Variants in RELN observed in about 807,000 individuals in gnomAD.
The protein encoded by RELN is reelin.
A neutral mutation model predicts 427.6 loss-of-function variants in RELN; 108 were observed. The observed-to-expected ratio is 0.25, with a 90% CI of 0.22 to 0.30. The LOEUF is 0.30. Ranked by LOEUF, RELN falls within the 10% of genes least tolerant of loss-of-function variation. The pLI is 1.00. For missense variants in RELN, 3,715 were observed against 4,302.8 expected, an observed-to-expected ratio of 0.86 and a Z score of 3.82; for synonymous variants, 1,524 against 1,513.4, an observed-to-expected ratio of 1.01 and a Z score of -0.16.
intron 3 of RELN, among the ~76,000 whole-genome samples, chr7:103,818,239 C>T (rs1456414765): frequency 6.6e-6 from 1 of 152,146 alleles, no homozygotes; most frequent in Non-Finnish European, 1.5e-5. Context: ...TTCCAGGGAG[C>T]TTTGGAAAAG....
rs751817326 is a variant in RELN, at chr7:103,491,981, C to T, written c.9415G>A (p.Val3139Ile). 19 of 1,613,064 alleles carry T rather than the reference C, an allele frequency of 1.2e-5. No individual in the cohort carries two copies. Among genetic ancestry groups the T allele is most frequent in the Middle Eastern group, 1.7e-4 (1 of 6,056 alleles). ...GCATCCTTAGTGTATTCCAGCATTA[C>T]GGAATGAAGGTCACCACAAGAAGTG... Reference protein sequence around the residue: ...EATSCGDLHSVMLEYTKDARS... With the variant: ...EATSCGDLHSIMLEYTKDARS... Residue 3139 changes from valine (V) to isoleucine (I), a missense_variant, in exon 58 of 65, where the codon GTA (valine) becomes ATA (isoleucine). By Grantham distance (29) the Val-to-Ile change is conservative. Coordinates refer to ENST00000428762, the MANE Select transcript of RELN (RefSeq NM_005045.4).
chr7:103,700,104 C>T (rs962532919), intron 9 of RELN, among the ~76,000 whole-genome samples: 13 of 151,842 alleles, frequency 8.6e-5, no homozygotes, highest in Non-Finnish European at 1.6e-4. Flanking sequence ...AGAGCTGTCA[C>T]GAAACTGATA....
At chr7:103,599,397 T>G (rs1831612923) in intron 24 of RELN, among the ~76,000 whole-genome samples, 1 of 152,184 alleles carries the variant, frequency 6.6e-6, no homozygotes, top group Admixed American at 6.6e-5. Context: ...TCTGATTTCT[T>G]GTCAAGCCCC....
At chr7:103,634,543 C>T (rs992798922) in intron 19 of RELN, among the ~76,000 whole-genome samples, 3 of 151,916 alleles carry the variant, frequency 2.0e-5, no homozygotes, top group African/African-American at 4.8e-5. Flanking sequence ...AATCTGACAA[C>T]GGATACTATA....
intron 6 of RELN, among the ~76,000 whole-genome samples, chr7:103,745,336 T>C (rs1584458233): frequency 6.6e-6 from 1 of 152,012 alleles, no homozygotes; most frequent in Non-Finnish European, 1.5e-5. Flanking sequence ...ACTGGAAGCA[T>C]TCTCTTTGAA....
At position 103,496,664 on chromosome 7, in the gene RELN, G is replaced by A; in HGVS notation, c.9055C>T (p.Leu3019Phe). ...PEDALTNTTR[L>F]RWWQPFVISN... ...ATCACAAAAGGCTGCCACCAGCGAA[G>A]TCGAGTTGTGTTGGTGAGGGCATCT... The change falls in exon 56 of 65, where the codon CTT becomes TTT. Residue 3019 changes from leucine (L) to phenylalanine (F), a missense_variant. By Grantham distance (22) the Leu-to-Phe change is conservative (BLOSUM62 0). Around this residue, in one of 4 missense-constraint regions of RELN, gnomAD observed 1,310 missense variants for 1,643.0 expected, o/e 0.80. Transcript: ENST00000428762. 1 of 1,614,188 alleles carries A rather than the reference G, an allele frequency of 6.2e-7. No individual in the cohort carries two copies. Among genetic ancestry groups the A allele is most frequent in the Non-Finnish European group, 8.5e-7 (1 of 1,180,024 alleles).
At position 103,953,169 on chromosome 7, in the gene RELN, A is replaced by G. The variant is rs527990544; in HGVS notation, c.226+35962T>C. On this transcript the variant is annotated intron_variant, in intron 1 of 64. Coordinates refer to ENST00000428762, the MANE Select transcript of RELN (RefSeq NM_005045.4). The surrounding 1 kb of genome is among the most constrained non-coding windows in gnomAD (Gnocchi z 4.3). Reference sequence around the variant, plus strand: ...GCTCCAAGATCAGCACCACAGGGGAAAAATCAGGGCAAGAAAAGTCTTCCC... The same window carrying G: ...GCTCCAAGATCAGCACCACAGGGGAGAAATCAGGGCAAGAAAAGTCTTCCC... Among the ~76,000 whole-genome samples, 4 of 152,338 alleles carry G rather than the reference A, an allele frequency of 2.6e-5. No individual in the cohort carries two copies. The East Asian group carries it at 7.7e-4, about 29-fold the overall frequency.
intron 10 of RELN, among the ~76,000 whole-genome samples, chr7:103,684,879 G>C (rs1160229099): frequency 2.0e-5 from 3 of 152,116 alleles, no homozygotes; most frequent in Non-Finnish European, 4.4e-5. Flanking sequence ...AAAAATAGAA[G>C]AGCATTTCAA....
chr7:103,494,730 G>A (rs184562066), intron 57 of RELN, among the ~76,000 whole-genome samples: 463 of 150,808 alleles, frequency 3.1e-3, no homozygotes, highest in Non-Finnish European at 5.1e-3. Flanking sequence ...AATTATTTAT[G>A]TCTTCACTTT....
Position 103,589,589 on chromosome 7 carries a change from A to G in RELN, c.4145+7T>C, listed in dbSNP as rs764992818. ...TGGCCCAAACCCATTAAGAATGATT[A>G]CTTTACCTGGATGCAAGAGACCTTG... On this transcript the variant is annotated splice_region_variant and intron_variant, in intron 28 of 64. Transcript: ENST00000428762. 3.8e-6 allele frequency: 6 copies of G among 1,586,746 alleles called. No homozygotes were observed. The East Asian group carries it at 1.1e-4, about 30-fold the overall frequency.
At chr7:103,518,983 A>G (rs934749478) in intron 49 of RELN, among the ~76,000 whole-genome samples, 10 of 152,124 alleles carry the variant, frequency 6.6e-5, no homozygotes, top group Non-Finnish European at 1.2e-4. Context: ...CAGAGTGTAC[A>G]CTATATAAAT....
chr7:103,674,441 G>A (rs1321861921), intron 11 of RELN, among the ~76,000 whole-genome samples: 7 of 150,622 alleles, frequency 4.6e-5, no homozygotes, highest in South Asian at 2.1e-4. Flanking sequence ...CTTAGATTTC[G>A]TGATTTAGAT....
At chr7:103,784,057 G>A (rs943836542) in intron 3 of RELN, among the ~76,000 whole-genome samples, 4 of 152,238 alleles carry the variant, frequency 2.6e-5, no homozygotes, top group Non-Finnish European at 5.9e-5. Flanking sequence ...TCTGGGGAGG[G>A]AAGATACCCA....
intron 10 of RELN, among the ~76,000 whole-genome samples, chr7:103,683,495 A>T (rs1379675563): frequency 6.6e-6 from 1 of 152,308 alleles, no homozygotes; most frequent in African/African-American, 2.4e-5. Flanking sequence ...GACAGACCGC[A>T]TATACAATGG....
chr7:103,824,675 T>TGTGTGTGTGTGTGTGTGTGTGTG lies in RELN; in HGVS notation c.473+8861_473+8862insCACACACACACACACACACACAC. On this transcript the variant is annotated intron_variant, in intron 3 of 64. Coordinates refer to ENST00000428762, the MANE Select transcript of RELN (RefSeq NM_005045.4). This position sits in a 1 kb window ranked among gnomAD's most constrained non-coding sequence, Gnocchi z 4.4. ...GTGTGTGTGTGTGTGTGTGTGTGTG[T>TGTGTGTGTGTGTGTGTGTGTGTG]TTGCTTCATTTTAGCTAGAGTTGCT... Among the ~76,000 whole-genome samples, 1 of 145,578 alleles carries TGTGTGTGTGTGTGTGTGTGTGTG rather than the reference T, an allele frequency of 6.9e-6. No homozygotes were observed. Among genetic ancestry groups the TGTGTGTGTGTGTGTGTGTGTGTG allele is most frequent in the South Asian group, 2.2e-4 (1 of 4,542 alleles).
At chr7:103,780,859 A>T (rs969358290) in intron 3 of RELN, among the ~76,000 whole-genome samples, 2 of 152,118 alleles carry the variant, frequency 1.3e-5, no homozygotes, top group African/African-American at 4.8e-5. Context: ...ACTCTTTGTC[A>T]TATTTCTTCC....
intron 16 of RELN, among the ~76,000 whole-genome samples, chr7:103,643,888 T>A (rs908965874): frequency 6.6e-6 from 1 of 152,006 alleles, no homozygotes. Context: ...AATACAGGCA[T>A]GTGCCATGCC....
intron 20 of RELN, among the ~76,000 whole-genome samples, chr7:103,619,295 T>TTCA (rs1832160432): frequency 3.3e-5 from 5 of 152,122 alleles, no homozygotes; most frequent in African/African-American, 1.2e-4. Flanking sequence ...TGACCACAAA[T>TTCA]GAATGCTGTC....
chr7:103,520,964 T>A (rs796099573), intron 48 of RELN, among the ~76,000 whole-genome samples: 6 of 101,668 alleles, frequency 5.9e-5, no homozygotes, highest in Non-Finnish European at 1.0e-4. Context: ...GTTATTTTTT[T>A]TTTTTTTTTT....
Sources: allele counts gnomAD v4.1 joint callset (sites outside exome capture counted in the v4.1 genomes callset), GRCh38; gene constraint gnomAD v4.1.1; regional missense constraint gnomAD v4.1.1; non-coding constraint Gnocchi (gnomAD v3.1); transcripts MANE v1.5; gene names NCBI Gene and HGNC (gene_info 2026-07-23, HGNC 2026-07-21).